Variants in ERICH3 observed in about 807,000 individuals in gnomAD.
ERICH3 encodes the protein glutamate rich 3, also known as glutamate-rich protein 3.
Under a neutral mutation model 131.1 loss-of-function variants are expected in ERICH3, and 126 were observed. That is an observed-to-expected ratio of 0.96 (90% confidence interval 0.83 to 1.11). The LOEUF (loss-of-function observed/expected upper bound fraction) is 1.11, where lower values mean the gene tolerates loss of function less well. Ranked by LOEUF, ERICH3 falls within the 50% of genes most tolerant of loss-of-function variation. The pLI, the probability that ERICH3 is intolerant of heterozygous loss-of-function variation, is 0.00. For synonymous variants in ERICH3, 695 were observed against 644.6 expected, an observed-to-expected ratio of 1.08 and a Z score of -1.18; for missense variants, 2,050 against 1,810.7, an observed-to-expected ratio of 1.13 and a Z score of -2.40.
intron 12 of ERICH3, among the ~76,000 whole-genome samples, chr1:74,580,326 C>T (rs1366076461): frequency 1.3e-5 from 2 of 152,062 alleles, no homozygotes; most frequent in African/African-American, 2.4e-5. Context: ...TACTAAATTT[C>T]GGTTCATCAA....
At chr1:74,612,858 A>T in intron 8 of ERICH3, 49 bp from the exon 9 acceptor site, 2 of 1,434,978 alleles carry the variant, frequency 1.4e-6, no homozygotes, top group Non-Finnish European at 1.9e-6. Flanking sequence ...ACTTCGGACT[A>T]ACATCTGTTA....
intron 11 of ERICH3, among the ~76,000 whole-genome samples, chr1:74,598,612 C>G (rs1294353657): frequency 6.6e-6 from 1 of 151,534 alleles, no homozygotes; most frequent in Non-Finnish European, 1.5e-5. Context: ...GTAAAGCAAG[C>G]AAAATATTCA....
intron 12 of ERICH3, among the ~76,000 whole-genome samples, chr1:74,581,427 T>C (rs1298792234): frequency 2.0e-5 from 3 of 152,120 alleles, no homozygotes; most frequent in African/African-American, 7.2e-5. Context: ...TAGTGAGAAA[T>C]TGGTCACCTT....
intron 13 of ERICH3, 96 bp from the exon 14 acceptor site, chr1:74,573,587 A>G (rs992965028): frequency 7.6e-7 from 1 of 1,314,770 alleles, no homozygotes; most frequent in African/African-American, 1.5e-5. Flanking sequence ...ACAGTGTGAG[A>G]TATTTATATG....
intron 11 of ERICH3, among the ~76,000 whole-genome samples, chr1:74,594,664 C>T (rs1220434456): frequency 6.6e-6 from 1 of 152,072 alleles, no homozygotes; most frequent in African/African-American, 2.4e-5. Flanking sequence ...TGTACATGTT[C>T]ATAAAGGTAT....
At chr1:74,611,606 C>T (rs138950116) in intron 9 of ERICH3, among the ~76,000 whole-genome samples, 1 of 152,142 alleles carries the variant, frequency 6.6e-6, no homozygotes, top group African/African-American at 2.4e-5. Context: ...ATGGTCTCTG[C>T]GACCCCATCT....
chr1:74,636,698 C>T (rs942382433), intron 5 of ERICH3, among the ~76,000 whole-genome samples: 1 of 152,196 alleles, frequency 6.6e-6, no homozygotes, highest in African/African-American at 2.4e-5. Flanking sequence ...CCATTACATT[C>T]CTGTATTTTC....
rs764246623 is a variant in ERICH3, at chr1:74,571,435, A to T, written c.4275T>A (p.Tyr1425Ter). 6.2e-7 allele frequency: 1 copy of T among 1,613,672 alleles called. No homozygotes were observed. Among genetic ancestry groups the T allele is most frequent in the South Asian group, 1.1e-5 (1 of 91,054 alleles). The change falls in exon 14 of 15, where the codon TAT (tyrosine) becomes TAA (stop). Residue 1425 changes from tyrosine (Y) to a stop codon, truncating the protein, a stop_gained. Coordinates refer to ENST00000326665, the MANE Select transcript of ERICH3 (RefSeq NM_001002912.5). LOFTEE classifies it high-confidence loss of function. ...VPAAEEMTVT[Y>*]TTEAGVGTPG... ...GAGTGCCCACCCCAGCCTCTGTTGT[A>T]TATGTCACTGTCATCTCCTCTGCTG...
intron 12 of ERICH3, among the ~76,000 whole-genome samples, chr1:74,587,957 A>G (rs971460486): frequency 1.3e-5 from 2 of 152,224 alleles, no homozygotes; most frequent in Non-Finnish European, 2.9e-5. Context: ...CTTTATCTCT[A>G]AAGTCCCAGT....
intron 1 of ERICH3, among the ~76,000 whole-genome samples, chr1:74,660,597 A>ATATATATATATATATAGTGTG (rs1553167775): frequency 9.8e-5 from 4 of 40,716 alleles, no homozygotes; most frequent in Admixed American, 2.6e-4. Flanking sequence ...ACACAAGTGT[A>ATATATATATATATATAGTGTG]TATATATATA....
At chr1:74,596,970 G>T (rs1349927982) in intron 11 of ERICH3, among the ~76,000 whole-genome samples, 1 of 152,044 alleles carries the variant, frequency 6.6e-6, no homozygotes, top group Admixed American at 6.6e-5. Context: ...CTGGGCAATT[G>T]TTTGCCCTCT....
chr1:74,620,671 A>T (rs867223916), intron 8 of ERICH3, 63 bp downstream of exon 8: 1 of 1,351,220 alleles, frequency 7.4e-7, no homozygotes, highest in Middle Eastern at 1.9e-4. Context: ...ATATTATATC[A>T]ACAGCAGCTT....
At position 74,571,843 on chromosome 1, in the gene ERICH3, C is replaced by T. The variant is rs200933327; in HGVS notation, c.3867G>A (p.Ala1289=). Residue 1289 remains alanine, a synonymous_variant, in exon 14 of 15, where the codon GCG becomes GCA. Transcript: ENST00000326665. ...PIMAEKFREE[A]VDEDPEEEED... Reference sequence around the variant, plus strand: ...CTTCCTCCTCTGGGTCCTCATCCACCGCTTCCTCCCTGAACTTTTCTGCCA... The same window carrying T: ...CTTCCTCCTCTGGGTCCTCATCCACTGCTTCCTCCCTGAACTTTTCTGCCA... 6.2e-7 allele frequency: 1 copy of T among 1,612,240 alleles called. No homozygotes were observed. Among genetic ancestry groups the T allele is most frequent in the East Asian group, 2.2e-5 (1 of 44,890 alleles).
At position 74,579,360 on chromosome 1, in the gene ERICH3, A is replaced by G. The variant is rs1647135421; in HGVS notation, c.2177-2424T>C. 3 of 978,714 alleles carry G rather than the reference A, an allele frequency of 3.1e-6. No homozygotes were observed. The African/African-American group carries it at 5.3e-5, about 17-fold the overall frequency. The allele number at this position is 978,714 out of a possible 1,614,324, so 60.6% of individuals were successfully genotyped here. A position where few individuals can be genotyped will look rare whatever the true frequency, so the allele number is the denominator to read the frequency against. ...AGGTACTGAACCAAAAGACTACTAT[A>G]AGAAGCCAAACAATACTAACATCAT... On this transcript the variant is annotated intron_variant, in intron 12 of 14. Transcript: ENST00000326665.
intron 7 of ERICH3, among the ~76,000 whole-genome samples, chr1:74,630,501 T>C (rs1649556555): frequency 6.6e-6 from 1 of 152,140 alleles, no homozygotes; most frequent in Admixed American, 6.6e-5. Context: ...TCTGAGCTGT[T>C]CCTCCACTCT....
intron 1 of ERICH3, among the ~76,000 whole-genome samples, 199 bp downstream of exon 1, chr1:74,673,295 CGAA>C (rs1323684091): frequency 6.6e-6 from 1 of 152,016 alleles, no homozygotes; most frequent in Non-Finnish European, 1.5e-5. Flanking sequence ...GTGAAAGAAA[CGAA>C]GAAGGGGAGG....
At chr1:74,667,436 C>T (rs764282050) in intron 1 of ERICH3, among the ~76,000 whole-genome samples, 3 of 152,090 alleles carry the variant, frequency 2.0e-5, no homozygotes, top group African/African-American at 7.2e-5. Flanking sequence ...AGGGGAAATT[C>T]CAATAATTCA....
chr1:74,619,344 A>T (rs535677854), intron 8 of ERICH3, among the ~76,000 whole-genome samples: 1 of 152,232 alleles, frequency 6.6e-6, no homozygotes, highest in Non-Finnish European at 1.5e-5. Flanking sequence ...TTTGTTGAAT[A>T]AAGTGTGATC....
At chr1:74,612,896 A>T (rs1648768717) in intron 8 of ERICH3, 87 bp from the exon 9 acceptor site, 1 of 1,169,694 alleles carries the variant, frequency 8.5e-7, no homozygotes, top group African/African-American at 1.5e-5. Context: ...AGATAAACAC[A>T]ATATTATGAT....
Sources: allele counts gnomAD v4.1 joint callset (sites outside exome capture counted in the v4.1 genomes callset), GRCh38; gene constraint gnomAD v4.1.1; transcripts MANE v1.5; gene names NCBI Gene and HGNC (gene_info 2026-07-23, HGNC 2026-07-21).